Variants in MYLK observed in about 807,000 individuals in gnomAD.
The protein encoded by MYLK is myosin light chain kinase.
A neutral mutation model predicts 203.4 loss-of-function variants in MYLK; 106 were observed. The observed-to-expected ratio is 0.52, with a 90% CI of 0.45 to 0.61. The LOEUF (loss-of-function observed/expected upper bound fraction) is 0.61, where lower values mean the gene tolerates loss of function less well. MYLK is among the 20% of genes least tolerant of loss of function. MYLK has a pLI of 0.00. For synonymous variants in MYLK, 867 were observed against 959.5 expected (o/e 0.90, Z 1.78); for missense variants, 2,072 against 2,442.3 (o/e 0.85, Z 3.20).
chr3:123,826,354 C>CA (rs1181827954), intron 3 of MYLK, among the ~76,000 whole-genome samples: 1 of 152,226 alleles, frequency 6.6e-6, no homozygotes, highest in Non-Finnish European at 1.5e-5. Flanking sequence ...GACACATCAC[C>CA]AGGCTGGCTG....
intron 3 of MYLK, among the ~76,000 whole-genome samples, chr3:123,822,533 C>T (rs2065972426): frequency 6.6e-6 from 1 of 152,302 alleles, no homozygotes; most frequent in Admixed American, 6.5e-5. Context: ...GTGTACTTTA[C>T]AGAGTATGGT....
chr3:123,867,186 A>G (rs1291668872), intron 2 of MYLK, among the ~76,000 whole-genome samples: 1 of 151,844 alleles, frequency 6.6e-6, no homozygotes, highest in Non-Finnish European at 1.5e-5. Flanking sequence ...AATTTTCTCC[A>G]CCAACAGCCC....
intron 3 of MYLK, among the ~76,000 whole-genome samples, chr3:123,801,599 C>T (rs2065198514): frequency 6.6e-6 from 1 of 152,066 alleles, no homozygotes; most frequent in African/African-American, 2.4e-5. Flanking sequence ...TCTAGCAATC[C>T]CTAGAGTGTC....
chr3:123,720,972 G>T (rs541543860), intron 13 of MYLK, among the ~76,000 whole-genome samples: 1 of 152,326 alleles, frequency 6.6e-6, no homozygotes, highest in East Asian at 1.9e-4. Context: ...GCTCCAGGGT[G>T]CAGCTTTGCA....
In MYLK at chr3:123,629,874, T is replaced by C. The variant is rs189711669; in HGVS notation, c.4962-248A>G. On this transcript the variant is annotated intron_variant, in intron 29 of 33. Transcript: ENST00000360304. This position sits in a 1 kb window ranked among gnomAD's most constrained non-coding sequence, Gnocchi z 4.4. ...TGAGGCTGAGGTGCAGCAGGTTGGC[T>C]TTAGATTACGGGCTTCTGCAGGGTA... is the stretch of plus-strand genomic sequence containing the variant. 4.5e-4 allele frequency: 246 copies of C among 541,794 alleles called. No homozygotes were observed. The East Asian group carries it at 6.0e-3, about 13-fold the overall frequency. 33.6% of individuals were successfully genotyped at this position (541,794 alleles called of 1,614,324 possible). A position where few individuals can be genotyped will look rare whatever the true frequency, so the allele number is the denominator to read the frequency against.
intron 13 of MYLK, among the ~76,000 whole-genome samples, chr3:123,717,957 G>A (rs1386362000): frequency 6.7e-6 from 1 of 149,632 alleles, no homozygotes; most frequent in Non-Finnish European, 1.5e-5. Context: ...GACCTCGCAG[G>A]CTCAAGCAAT....
chr3:123,747,424 G>C (rs180986547), intron 5 of MYLK, among the ~76,000 whole-genome samples: 118 of 152,288 alleles, frequency 7.7e-4, no homozygotes, highest in African/African-American at 2.7e-3. Context: ...AGGTGTGCTT[G>C]GACCATCTGG....
At chr3:123,663,328 G>A (rs2059625698) in intron 23 of MYLK, among the ~76,000 whole-genome samples, 1 of 152,166 alleles carries the variant, frequency 6.6e-6, no homozygotes, top group Non-Finnish European at 1.5e-5. Context: ...ATGAAGGTAA[G>A]GAAAATCGAG....
chr3:123,660,991 A>G (rs2059543688), intron 23 of MYLK, among the ~76,000 whole-genome samples: 1 of 152,156 alleles, frequency 6.6e-6, no homozygotes, highest in East Asian at 1.9e-4. Flanking sequence ...GAGCAATTCT[A>G]TTCTTAGTTC....
At chr3:123,880,172 A>G (rs1046557582) in intron 1 of MYLK, among the ~76,000 whole-genome samples, 19 of 152,196 alleles carry the variant, frequency 1.2e-4, no homozygotes, top group African/African-American at 4.6e-4. Flanking sequence ...AAGTCAGCTC[A>G]CAGAGGTTAA....
chr3:123,837,610 AGTATAGT>A (rs763264276), intron 2 of MYLK, among the ~76,000 whole-genome samples: 250 of 151,008 alleles, frequency 1.7e-3, no homozygotes, highest in Non-Finnish European at 2.7e-3. Flanking sequence ...ATGCTTTTTA[AGTATAGT>A]CAAAGAGTTG....
intron 18 of MYLK, among the ~76,000 whole-genome samples, chr3:123,697,056 A>T (rs2060959207): frequency 6.6e-6 from 1 of 151,942 alleles, no homozygotes; most frequent in Admixed American, 6.6e-5. Context: ...CTCCCGACAC[A>T]CTCATAGCAC....
At chr3:123,649,966 G>A (rs2059153304) in intron 24 of MYLK, among the ~76,000 whole-genome samples, 1 of 152,216 alleles carries the variant, frequency 6.6e-6, no homozygotes, top group Non-Finnish European at 1.5e-5. Context: ...ATAGGTATTT[G>A]TGAGGCAGGG....
intron 3 of MYLK, among the ~76,000 whole-genome samples, chr3:123,799,547 C>T (rs2109144839): frequency 6.6e-6 from 1 of 152,208 alleles, no homozygotes; most frequent in Admixed American, 6.5e-5. Flanking sequence ...AATATCATAC[C>T]TTCCCTAGAG....
At chr3:123,850,078 C>T (rs113102058) in intron 2 of MYLK, among the ~76,000 whole-genome samples, 3,086 of 152,168 alleles carry the variant, frequency 0.02, 113 homozygotes, top group African/African-American at 0.069. Flanking sequence ...TAAACTCATC[C>T]TTTTTTATGG....
chr3:123,721,658 T>G (rs2062090907), intron 13 of MYLK, among the ~76,000 whole-genome samples: 1 of 151,804 alleles, frequency 6.6e-6, no homozygotes, highest in South Asian at 2.1e-4. Context: ...TCCCCCAGCA[T>G]GTAAGGGGTC....
At chr3:123,694,018 C>A (rs2108532049) in intron 18 of MYLK, among the ~76,000 whole-genome samples, 1 of 152,328 alleles carries the variant, frequency 6.6e-6, no homozygotes, top group South Asian at 2.1e-4. Flanking sequence ...CAACTACTGT[C>A]CCTGCCCCCC....
At chr3:123,652,157 A>C (rs2059236414) in intron 24 of MYLK, among the ~76,000 whole-genome samples, 2 of 152,058 alleles carry the variant, frequency 1.3e-5, no homozygotes, top group Non-Finnish European at 2.9e-5. Flanking sequence ...CTTCTATTTG[A>C]CCACAAGGGG....
intron 2 of MYLK, among the ~76,000 whole-genome samples, chr3:123,861,002 C>T (rs986056568): frequency 3.3e-5 from 5 of 151,898 alleles, no homozygotes; most frequent in Non-Finnish European, 7.4e-5. Flanking sequence ...TGGTGGCGGG[C>T]GCCTGTGGTC....
Sources: gnomAD v4.1 joint callset for allele counts (sites outside exome capture counted in the v4.1 genomes callset) on GRCh38, gnomAD v4.1.1 for gene constraint, Gnocchi (gnomAD v3.1) non-coding constraint, MANE v1.5 for transcripts, NCBI Gene and HGNC (gene_info 2026-07-23, HGNC 2026-07-21) for gene names.